Variants in EEIG2 observed in about 807,000 individuals in gnomAD.
The protein encoded by EEIG2 is family with sequence similarity 102 member B.
the EEIG2 span, chr1:108,560,543 A>G: frequency 6.2e-7 from 1 of 1,611,008 alleles, no homozygotes. Context: ...GGACGGCGGC[A>G]GCTTCACCGC....
At chr1:108,581,621 G>C in the EEIG2 span, among the ~76,000 whole-genome samples, 1 of 152,136 alleles carries the variant, frequency 6.6e-6, no homozygotes, top group East Asian at 1.9e-4. Context: ...CTGCAGATGC[G>C]GTGAAAATAG....
the EEIG2 span, among the ~76,000 whole-genome samples, chr1:108,620,722 C>A: frequency 6.6e-6 from 1 of 152,046 alleles, no homozygotes. Flanking sequence ...GTGAGGACAT[C>A]GAGACTAAGA....
At chr1:108,560,314 G>A in the EEIG2 span, 1 of 839,426 alleles carries the variant, frequency 1.2e-6, no homozygotes, top group Non-Finnish European at 1.4e-6. Flanking sequence ...CCCCGGCCGC[G>A]CCCCCGCGCA....
At chr1:108,635,862 C>T in the EEIG2 span, 1 of 152,196 alleles carries the variant, frequency 6.6e-6, no homozygotes, top group Non-Finnish European at 1.5e-5. Flanking sequence ...CCCCCAAGCA[C>T]TACATAAAAG....
At chr1:108,606,196 C>T in the EEIG2 span, 1 of 1,468,000 alleles carries the variant, frequency 6.8e-7, no homozygotes. Flanking sequence ...TATGTGATAT[C>T]CTTATAGTAT....
At chr1:108,634,749 C>A in the EEIG2 span, among the ~76,000 whole-genome samples, 1 of 152,110 alleles carries the variant, frequency 6.6e-6, no homozygotes, top group Admixed American at 6.6e-5. Context: ...CAGTGCAAGT[C>A]CTGATGCACT....
chr1:108,600,197 A>G, the EEIG2 span, among the ~76,000 whole-genome samples: 1 of 152,326 alleles, frequency 6.6e-6, no homozygotes, highest in South Asian at 2.1e-4. Context: ...TGCATTAACT[A>G]TGAATATAAT....
the EEIG2 span, chr1:108,560,296 G>A: frequency 1.6e-6 from 1 of 614,332 alleles, no homozygotes. Context: ...CGGCCGGCCT[G>A]CGGCGCCCCC....
At chr1:108,569,415 T>C in the EEIG2 span, among the ~76,000 whole-genome samples, 73 of 152,308 alleles carry the variant, frequency 4.8e-4, no homozygotes, top group African/African-American at 1.7e-3. Flanking sequence ...CAGCCTTGAA[T>C]TCCTGTGCTC....
chr1:108,616,515 TG>T, the EEIG2 span: 1 of 894,062 alleles, frequency 1.1e-6, no homozygotes, highest in Non-Finnish European at 1.8e-6. Flanking sequence ...TATTTTGTAG[TG>T]CTTATAAGAA....
the EEIG2 span, among the ~76,000 whole-genome samples, chr1:108,599,291 T>C: frequency 2.6e-5 from 4 of 152,178 alleles, no homozygotes; most frequent in African/African-American, 9.7e-5. Context: ...CTCTAAGCCT[T>C]TATCTAAATT....
At chr1:108,612,335 T>C in the EEIG2 span, 2 of 1,367,684 alleles carry the variant, frequency 1.5e-6, no homozygotes, top group East Asian at 2.3e-5. Context: ...AATAAAATTA[T>C]CTGCCTTTAA....
the EEIG2 span, among the ~76,000 whole-genome samples, chr1:108,568,018 CAAAAG>C: frequency 1.3e-5 from 2 of 151,364 alleles, no homozygotes; most frequent in African/African-American, 4.9e-5. Flanking sequence ...GAAAAGAAAA[CAAAAG>C]AAAAGAAAAA....
At chr1:108,597,359 T>C in the EEIG2 span, among the ~76,000 whole-genome samples, 1 of 152,214 alleles carries the variant, frequency 6.6e-6, no homozygotes, top group Non-Finnish European at 1.5e-5. Context: ...TAAGTCATCT[T>C]TCATTACCCC....
At chr1:108,610,800 G>A in the EEIG2 span, among the ~76,000 whole-genome samples, 1 of 152,126 alleles carries the variant, frequency 6.6e-6, no homozygotes, top group Non-Finnish European at 1.5e-5. Context: ...CAGGCGTGGT[G>A]GTGGGCGCCT....
the EEIG2 span, among the ~76,000 whole-genome samples, chr1:108,595,224 A>G: frequency 7.9e-3 from 1,188 of 150,910 alleles, 15 homozygotes; most frequent in African/African-American, 0.028. Flanking sequence ...TGGGCAGCAA[A>G]GCAAGACCCC....
At chr1:108,565,875 T>G in the EEIG2 span, among the ~76,000 whole-genome samples, 1 of 152,206 alleles carries the variant, frequency 6.6e-6, no homozygotes, top group Non-Finnish European at 1.5e-5. Flanking sequence ...CAGATTCATA[T>G]GGACAACTTA....
At chr1:108,563,384 C>T in the EEIG2 span, among the ~76,000 whole-genome samples, 27 of 152,244 alleles carry the variant, frequency 1.8e-4, 1 homozygote, top group South Asian at 5.2e-3. Flanking sequence ...GCTGATTCGA[C>T]TTTGTATCTT....
the EEIG2 span, chr1:108,635,301 A>G: frequency 1.3e-4 from 116 of 895,642 alleles, no homozygotes; most frequent in Non-Finnish European, 1.8e-4. Context: ...ACCCACCGCC[A>G]TCCTGTACCA....
Sources: gnomAD v4.1 joint callset for allele counts (sites outside exome capture counted in the v4.1 genomes callset) on GRCh38, gnomAD v4.1.1 for gene constraint, MANE v1.5 for transcripts, NCBI Gene and HGNC (gene_info 2026-07-23, HGNC 2026-07-21) for gene names.